LRRC3B: variants seen among roughly 807,000 people sequenced by gnomAD.
LRRC3B encodes the protein leucine rich repeat containing 3B.
A neutral mutation model predicts 12.8 loss-of-function variants in LRRC3B; 2 were observed. That is an observed-to-expected ratio of 0.16 (90% CI 0.06 to 0.49). The LOEUF (loss-of-function observed/expected upper bound fraction) is 0.49. LRRC3B is among the 20% of genes least tolerant of loss of function. LRRC3B has a pLI of 0.96. For missense variants in LRRC3B, 189 were observed against 319.4 expected, an observed-to-expected ratio of 0.59 and a Z score of 3.11; for synonymous variants, 132 against 122.0, an observed-to-expected ratio of 1.08 and a Z score of -0.54.
chr3:26,707,280 G>A (rs992943798), intron 1 of LRRC3B, among the ~76,000 whole-genome samples: 3 of 151,762 alleles, frequency 2.0e-5, no homozygotes, highest in Non-Finnish European at 2.9e-5. Context: ...TGGGAGAATT[G>A]CTGGAACCTG....
chr3:26,664,366 C>G (rs1421387789), intron 1 of LRRC3B, among the ~76,000 whole-genome samples: 3 of 152,156 alleles, frequency 2.0e-5, no homozygotes, highest in South Asian at 4.1e-4. Flanking sequence ...TCTGTCCCCC[C>G]ACCCCCACGA....
At chr3:26,629,971 C>G (rs1203765929) in intron 1 of LRRC3B, among the ~76,000 whole-genome samples, 3 of 93,428 alleles carry the variant, frequency 3.2e-5, no homozygotes, top group Admixed American at 1.2e-4. Context: ...AGAAGCATGG[C>G]AAAAAAAAAA....
At chr3:26,662,482 A>G (rs965458819) in intron 1 of LRRC3B, among the ~76,000 whole-genome samples, 1 of 152,038 alleles carries the variant, frequency 6.6e-6, no homozygotes, top group Non-Finnish European at 1.5e-5. Flanking sequence ...TGGCAGCCCC[A>G]GCCCCTCCTC....
intron 1 of LRRC3B, among the ~76,000 whole-genome samples, chr3:26,702,381 G>T (rs1169513072): frequency 6.6e-6 from 1 of 152,130 alleles, no homozygotes; most frequent in Non-Finnish European, 1.5e-5. Flanking sequence ...CACAGCTGTT[G>T]TTATTAATGA....
intron 1 of LRRC3B, among the ~76,000 whole-genome samples, chr3:26,695,626 G>A (rs114829393): frequency 0.015 from 2,266 of 152,210 alleles, 44 homozygotes; most frequent in African/African-American, 0.052. Context: ...GCACAGTTAC[G>A]TTTTTAATAG....
chr3:26,707,047 A>ACTT (rs1172441748), intron 1 of LRRC3B, among the ~76,000 whole-genome samples: 5 of 152,070 alleles, frequency 3.3e-5, no homozygotes, highest in Non-Finnish European at 5.9e-5. Flanking sequence ...AAAGCATCGA[A>ACTT]CTTTTACTAC....
intron 1 of LRRC3B, among the ~76,000 whole-genome samples, chr3:26,695,830 T>C (rs1461289433): frequency 6.6e-6 from 1 of 152,228 alleles, no homozygotes; most frequent in Admixed American, 6.5e-5. Context: ...ACAATGGTTC[T>C]CATCAGATGC....
intron 1 of LRRC3B, chr3:26,623,617 C>G (rs749874248): frequency 1.3e-5 from 2 of 152,634 alleles, no homozygotes; most frequent in Non-Finnish European, 2.9e-5. Flanking sequence ...TTTCACTCCC[C>G]GCAGCTCTGG....
At chr3:26,710,459 AACTG>A (rs755628267) in exon 2 of LRRC3B, 19 of 1,556,414 alleles carry the variant, frequency 1.2e-5, no homozygotes, top group African/African-American at 8.2e-5. Context: ...ATAGTGTCCA[AACTG>A]ACTGTCATTG....
chr3:26,685,531 ATATATAT>A lies in LRRC3B; in HGVS notation c.-160-23981_-160-23975del, dbSNP rs1205395885. ...TCTCTCTCTCTCTCTCTCTATATAT[ATATATAT>A]ATATATATATATATATATATTCACA... On this transcript the variant is annotated intron_variant, in intron 1 of 1. Transcript: ENST00000396641. 8.4e-5 allele frequency among the ~76,000 whole-genome samples: 5 copies of A among 59,470 alleles called. No individual in the cohort carries two copies. The Admixed American group carries it at 1.0e-3, about 12-fold the overall frequency. The allele number at this position is 59,470 out of a possible 152,430, so 39.0% of individuals were successfully genotyped here. A position where few individuals can be genotyped will look rare whatever the true frequency, so the allele number is the denominator to read the frequency against.
At chr3:26,705,558 C>A (rs1169740261) in intron 1 of LRRC3B, among the ~76,000 whole-genome samples, 1 of 151,960 alleles carries the variant, frequency 6.6e-6, no homozygotes, top group Non-Finnish European at 1.5e-5. Flanking sequence ...TGACCCCAGG[C>A]CCTTCTTTAT....
At chr3:26,705,092 TGAAAA>T (rs1384086738) in intron 1 of LRRC3B, among the ~76,000 whole-genome samples, 1 of 152,130 alleles carries the variant, frequency 6.6e-6, no homozygotes, top group Non-Finnish European at 1.5e-5. Context: ...CATTTAATGA[TGAAAA>T]GAAAGAAATA....
intron 1 of LRRC3B, among the ~76,000 whole-genome samples, chr3:26,666,243 A>G (rs987390714): frequency 5.3e-5 from 8 of 152,158 alleles, no homozygotes; most frequent in Admixed American, 2.6e-4. Flanking sequence ...AACCGCAAGG[A>G]AAAGGTGAAG....
chr3:26,699,427 T>C (rs1700399551), intron 1 of LRRC3B, among the ~76,000 whole-genome samples: 1 of 152,136 alleles, frequency 6.6e-6, no homozygotes, highest in African/African-American at 2.4e-5. Flanking sequence ...GTATGTGTGT[T>C]GTGCTAAATT....
intron 1 of LRRC3B, 139 bp downstream of exon 1, chr3:26,623,376 T>C (rs1330018264): frequency 6.6e-6 from 1 of 152,428 alleles, no homozygotes; most frequent in Non-Finnish European, 1.5e-5. Flanking sequence ...GCCTCCCTGA[T>C]CCCTTTTGCG....
intron 1 of LRRC3B, among the ~76,000 whole-genome samples, chr3:26,629,190 C>T (rs1698696967): frequency 6.7e-6 from 1 of 148,442 alleles, no homozygotes; most frequent in African/African-American, 2.5e-5. Flanking sequence ...CCCTCCCCCT[C>T]CCTCCCTGCG....
intron 1 of LRRC3B, among the ~76,000 whole-genome samples, chr3:26,698,627 A>G (rs1205357325): frequency 6.6e-6 from 1 of 152,106 alleles, no homozygotes; most frequent in East Asian, 1.9e-4. Flanking sequence ...CTTTCAGACA[A>G]GTTGAAAAAT....
chr3:26,644,851 C>G (rs75872045), intron 1 of LRRC3B, among the ~76,000 whole-genome samples: 1,535 of 152,204 alleles, frequency 0.01, 23 homozygotes, highest in African/African-American at 0.036. Flanking sequence ...ACAACTAACT[C>G]TCAAATGGTT....
chr3:26,628,197 A>G (rs1698671321), intron 1 of LRRC3B, among the ~76,000 whole-genome samples: 1 of 152,224 alleles, frequency 6.6e-6, no homozygotes, highest in Non-Finnish European at 1.5e-5. Context: ...AATAACAATT[A>G]TTATTAAGCA....
Sources: allele counts gnomAD v4.1 joint callset (sites outside exome capture counted in the v4.1 genomes callset), GRCh38; gene constraint gnomAD v4.1.1; transcripts MANE v1.5; gene names NCBI Gene and HGNC (gene_info 2026-07-23, HGNC 2026-07-21).